RASA3: variants seen among roughly 807,000 people sequenced by gnomAD.
RASA3 encodes RAS p21 protein activator 3.
RASA3 carries 73 observed loss-of-function variants against 110.0 expected under a neutral mutation model. That is an observed-to-expected ratio of 0.66 (90% CI 0.55 to 0.81). The LOEUF (loss-of-function observed/expected upper bound fraction) is 0.81, where lower values mean the gene tolerates loss of function less well. Ranked by LOEUF, RASA3 falls within the 30% of genes least tolerant of loss-of-function variation. The pLI, the probability that RASA3 is intolerant of heterozygous loss-of-function variation, is 0.00. For missense variants in RASA3, 976 were observed against 1,113.2 expected, an observed-to-expected ratio of 0.88 and a Z score of 1.75; for synonymous variants, 500 against 451.4, an observed-to-expected ratio of 1.11 and a Z score of -1.37.
At chr13:114,108,982 C>T (rs574485710) in intron 1 of RASA3, among the ~76,000 whole-genome samples, 2 of 152,186 alleles carry the variant, frequency 1.3e-5, no homozygotes, top group Non-Finnish European at 2.9e-5. Flanking sequence ...GGTGGCAGGG[C>T]AGGCCCAGGT....
chr13:114,129,557 GC>G (rs1381774673), intron 1 of RASA3, among the ~76,000 whole-genome samples: 3 of 152,110 alleles, frequency 2.0e-5, no homozygotes, highest in African/African-American at 7.2e-5. Flanking sequence ...AATGGCCAAT[GC>G]CCCTATACCT....
At position 114,132,618 on chromosome 13, in the gene RASA3, C is replaced by T; in HGVS notation, c.-129G>A. 2.8e-6 allele frequency: 2 copies of T among 702,878 alleles called. No individual in the cohort carries two copies. The highest frequency in any genetic ancestry group is 3.8e-6 in the Non-Finnish European group (2 of 527,088). The allele number at this position is 702,878 out of a possible 1,614,324, so 43.5% of individuals were successfully genotyped here. A position where few individuals can be genotyped will look rare whatever the true frequency, so the allele number is the denominator to read the frequency against. On this transcript the variant is annotated 5_prime_UTR_variant, in exon 1 of 24. Transcript: ENST00000334062. The stretch of plus-strand genomic sequence containing the variant: ...GAGGGTCCGCCCGCCTGCAAGACCG[C>T]CAGTTGGCCGAGGGCGAGGGCGGGG...
chr13:113,988,700 A>C, intron 22 of RASA3, among the ~76,000 whole-genome samples: 1 of 66,236 alleles, frequency 1.5e-5, no homozygotes, highest in Non-Finnish European at 2.6e-5. Flanking sequence ...TTACTCACCC[A>C]TCCATCCATC....
Position 114,048,493 on chromosome 13 carries a change from C to T in RASA3, c.277+3559G>A, listed in dbSNP as rs1011517771. Among the ~76,000 whole-genome samples the T allele has an allele frequency of 3.9e-5, 6 of 152,098 alleles. No individual in the cohort carries two copies. The highest frequency in any genetic ancestry group is 2.9e-5 in the Non-Finnish European group (2 of 68,002). On this transcript the variant is annotated intron_variant, in intron 3 of 23. Transcript: ENST00000334062. This position sits in a 1 kb window ranked among gnomAD's most constrained non-coding sequence, Gnocchi z 4.3. ...GGGAAAAGGAGGGAGGCGCCAGGAT[C>T]GGGGGCGGAGACCCCAATGCTCCTG...
intron 1 of RASA3, among the ~76,000 whole-genome samples, chr13:114,080,351 C>G (rs1267325249): frequency 6.6e-6 from 1 of 152,138 alleles, no homozygotes; most frequent in African/African-American, 2.4e-5. Flanking sequence ...GCTGTGCGGG[C>G]TGATTCCAAA....
intron 1 of RASA3, among the ~76,000 whole-genome samples, chr13:114,082,040 C>T (rs1000355703): frequency 2.6e-5 from 4 of 152,232 alleles, no homozygotes; most frequent in Admixed American, 6.5e-5. Context: ...TTGACTAGGA[C>T]GGGCTCCAGG....
chr13:114,022,140 T>C (rs1185984124), intron 8 of RASA3, among the ~76,000 whole-genome samples: 6 of 152,172 alleles, frequency 3.9e-5, no homozygotes, highest in Non-Finnish European at 5.9e-5. Flanking sequence ...GGGGGAGAAC[T>C]GTGGCCACAA....
chr13:114,106,119 G>A (rs2080132629), intron 1 of RASA3, among the ~76,000 whole-genome samples: 1 of 152,232 alleles, frequency 6.6e-6, no homozygotes, highest in Non-Finnish European at 1.5e-5. Context: ...GCATGGCAGA[G>A]CGGCACACGG....
intron 2 of RASA3, among the ~76,000 whole-genome samples, chr13:114,054,227 T>C (rs748662624): frequency 4.6e-5 from 7 of 152,176 alleles, no homozygotes; most frequent in African/African-American, 7.2e-5. Context: ...ACAGAATATA[T>C]AAAGAACTCT....
At chr13:114,100,168 T>C (rs973680522) in intron 1 of RASA3, among the ~76,000 whole-genome samples, 3 of 150,880 alleles carry the variant, frequency 2.0e-5, no homozygotes, top group African/African-American at 7.3e-5. Flanking sequence ...GAATGGTAAA[T>C]GGAGGAGCTC....
chr13:113,981,929 C>A, intron 22 of RASA3, 71 bp from the exon 23 acceptor site: 1 of 1,443,540 alleles, frequency 6.9e-7, no homozygotes, highest in Non-Finnish European at 9.4e-7. Context: ...ACAGCTGCGT[C>A]GCTGCAGGCC....
rs1218674990 is a variant in RASA3, at chr13:114,014,219, T to A, written c.1406-971A>T. On this transcript the variant is annotated intron_variant, in intron 14 of 23. Coordinates refer to ENST00000334062, the MANE Select transcript of RASA3 (RefSeq NM_007368.4). The surrounding 1 kb of genome is among the most constrained non-coding windows in gnomAD (Gnocchi z 4.5). ...CATCACCACCACACAGCGCAGCCCCTTTGGTGTCTCATTCCACAGTGGTCT... is the reference window on the plus strand; with the variant it reads ...CATCACCACCACACAGCGCAGCCCCATTGGTGTCTCATTCCACAGTGGTCT... 6.6e-6 allele frequency among the ~76,000 whole-genome samples: 1 copy of A among 152,162 alleles called. No individual in the cohort carries two copies. The highest frequency in any genetic ancestry group is 2.4e-5 in the African/African-American group (1 of 41,430).
At chr13:114,127,306 C>T (rs2080464293) in intron 1 of RASA3, among the ~76,000 whole-genome samples, 1 of 152,238 alleles carries the variant, frequency 6.6e-6, no homozygotes, top group African/African-American at 2.4e-5. Context: ...CACACTCTGC[C>T]CACCAGTCCA....
At chr13:114,051,084 C>T (rs537331881) in intron 3 of RASA3, among the ~76,000 whole-genome samples, 5 of 152,330 alleles carry the variant, frequency 3.3e-5, no homozygotes, top group African/African-American at 9.6e-5. Flanking sequence ...CCACGCACAG[C>T]ACCCTCGTGG....
chr13:114,012,133 A>G (rs527563870), intron 15 of RASA3, among the ~76,000 whole-genome samples: 1 of 152,030 alleles, frequency 6.6e-6, no homozygotes, highest in Non-Finnish European at 1.5e-5. Flanking sequence ...CCGATCATCA[A>G]TACTCCATAT....
intron 1 of RASA3, among the ~76,000 whole-genome samples, chr13:114,119,415 C>A (rs951128805): frequency 6.6e-6 from 1 of 152,204 alleles, no homozygotes; most frequent in Non-Finnish European, 1.5e-5. Context: ...GTCCCGGAGA[C>A]AACTGCTCAC....
intron 1 of RASA3, among the ~76,000 whole-genome samples, chr13:114,129,290 G>A (rs959509573): frequency 6.6e-6 from 1 of 152,236 alleles, no homozygotes; most frequent in Admixed American, 6.5e-5. Context: ...TAAGTGCACA[G>A]AAGGACATAT....
chr13:114,119,426 G>A (rs1016725407), intron 1 of RASA3, among the ~76,000 whole-genome samples: 1 of 152,138 alleles, frequency 6.6e-6, no homozygotes, highest in African/African-American at 2.4e-5. Flanking sequence ...AACTGCTCAC[G>A]CCTCTGAGGG....
intron 3 of RASA3, among the ~76,000 whole-genome samples, chr13:114,051,290 G>A (rs1015706705): frequency 6.6e-6 from 1 of 152,220 alleles, no homozygotes; most frequent in African/African-American, 2.4e-5. Context: ...CCCGTCCTGG[G>A]CGTGAGCTCA....
Sources: gnomAD v4.1 joint callset for allele counts (sites outside exome capture counted in the v4.1 genomes callset) on GRCh38, gnomAD v4.1.1 for gene constraint, Gnocchi (gnomAD v3.1) non-coding constraint, MANE v1.5 for transcripts, NCBI Gene and HGNC (gene_info 2026-07-23, HGNC 2026-07-21) for gene names.